The following PRKN variants were observed in gnomAD, a reference collection of about 807,000 sequenced individuals.
PRKN encodes the protein E3 ubiquitin-protein ligase parkin.
A neutral mutation model predicts 59.5 loss-of-function variants in PRKN; 56 were observed. The observed-to-expected ratio is 0.94, with a 90% CI of 0.76 to 1.18. The LOEUF (loss-of-function observed/expected upper bound fraction) is 1.18. Ranked by LOEUF, PRKN falls within the 50% of genes most tolerant of loss-of-function variation. The pLI is 0.00. For missense variants in PRKN, 657 were observed against 596.4 expected, an observed-to-expected ratio of 1.10 and a Z score of -1.06; for synonymous variants, 250 against 222.1, an observed-to-expected ratio of 1.13 and a Z score of -1.12.
intron 4 of PRKN, among the ~76,000 whole-genome samples, chr6:162,159,894 C>G (rs550770775): frequency 2.6e-5 from 4 of 152,258 alleles, no homozygotes; most frequent in Middle Eastern, 3.4e-3. Context: ...TTAAATTGAT[C>G]TGATCTATGG....
At position 162,359,056 on chromosome 6, in the gene PRKN, T is replaced by C. The variant is rs1264244593; in HGVS notation, c.171+84254A>G. Among the ~76,000 whole-genome samples, 20 of 60,594 alleles carry C rather than the reference T, an allele frequency of 3.3e-4. No individual in the cohort carries two copies. In the East Asian group the frequency reaches 0.01, roughly 31 times the overall value. The allele number at this position is 60,594 out of a possible 152,430, so 39.8% of individuals were successfully genotyped here. ...TCCTGGGTGACACAGTGACACACTG[T>C]GGCAAAAAAAAAAAAAAAAAAAAAT... is the stretch of plus-strand genomic sequence containing the variant. On this transcript the variant is annotated intron_variant, in intron 2 of 11. Coordinates refer to ENST00000366898, the MANE Select transcript of PRKN (RefSeq NM_004562.3).
Position 161,352,846 on chromosome 6 carries a change from C to G in PRKN, c.1286-2635G>C, listed in dbSNP as rs376878673. Among the ~76,000 whole-genome samples the G allele has an allele frequency of 1.3e-5, 2 of 151,322 alleles. No individual in the cohort carries two copies. The highest frequency in any genetic ancestry group is 4.9e-5 in the African/African-American group (2 of 41,106). The stretch of plus-strand genomic sequence containing the variant: ...CCCAGGCTGGAGTACAGGGCGCGAT[C>G]TGGGCTCACTGCCACCTCTGCCTCC... On this transcript the variant is annotated intron_variant, in intron 11 of 11. Transcript: ENST00000366898. This position sits in a 1 kb window ranked among gnomAD's most constrained non-coding sequence, Gnocchi z 5.8.
At chr6:161,558,675 T>C (rs1468392353) in intron 8 of PRKN, among the ~76,000 whole-genome samples, 1 of 152,194 alleles carries the variant, frequency 6.6e-6, no homozygotes, top group Non-Finnish European at 1.5e-5. Flanking sequence ...TATAATAACG[T>C]CAGAGAGGAA....
At chr6:161,913,807 G>A (rs904196565) in intron 6 of PRKN, among the ~76,000 whole-genome samples, 3 of 152,192 alleles carry the variant, frequency 2.0e-5, no homozygotes, top group African/African-American at 7.2e-5. Context: ...GAGCGTCTGG[G>A]AGGTAATTAG....
chr6:162,189,932 C>G (rs1030461661), intron 4 of PRKN, among the ~76,000 whole-genome samples: 2 of 151,930 alleles, frequency 1.3e-5, no homozygotes, highest in African/African-American at 4.8e-5. Flanking sequence ...TCTGAGTGTA[C>G]GCTTATTAGC....
At chr6:162,227,890 A>G (rs749250914) in intron 3 of PRKN, among the ~76,000 whole-genome samples, 26 of 152,106 alleles carry the variant, frequency 1.7e-4, no homozygotes, top group Non-Finnish European at 3.4e-4. Context: ...AAGTCCAAAA[A>G]GATGGACAAA....
In PRKN at chr6:162,489,370, C is replaced by T. The variant is rs557737369; in HGVS notation, c.8-45897G>A. On this transcript the variant is annotated intron_variant, in intron 1 of 11. Coordinates refer to ENST00000366898, the MANE Select transcript of PRKN (RefSeq NM_004562.3). Reference sequence around the variant, plus strand: ...GAAGAATACTTATCTTCTAAGTGCACAAAGTAAAACATTAGAAAGGGATTC... The same window carrying T: ...GAAGAATACTTATCTTCTAAGTGCATAAAGTAAAACATTAGAAAGGGATTC... Among the ~76,000 whole-genome samples, 138 of 152,176 alleles carry T rather than the reference C, an allele frequency of 9.1e-4. 1 individual carries two copies. Among genetic ancestry groups the T allele is most frequent in the Non-Finnish European group, 1.3e-3 (86 of 68,012 alleles).
Position 161,533,132 on chromosome 6 carries a change from C to A in PRKN, c.1083+15722G>T, listed in dbSNP as rs1779285249. Among the ~76,000 whole-genome samples the A allele has an allele frequency of 6.6e-6, 1 of 152,090 alleles. No homozygotes were observed. Among genetic ancestry groups the A allele is most frequent in the Non-Finnish European group, 1.5e-5 (1 of 68,008 alleles). ...CAGAGAGTGGTTATGAATTCAATTT[C>A]TAAATAATCTCTAAAATAAAAGAAT... On this transcript the variant is annotated intron_variant, in intron 9 of 11. Transcript: ENST00000366898. The surrounding 1 kb of genome is among the most constrained non-coding windows in gnomAD (Gnocchi z 4.1).
chr6:162,426,531 A>G (rs1350627827), intron 2 of PRKN, among the ~76,000 whole-genome samples: 2 of 152,128 alleles, frequency 1.3e-5, no homozygotes, highest in African/African-American at 2.4e-5. Flanking sequence ...GCTCACTACA[A>G]CCTCTGCCTC....
chr6:161,725,652 G>T (rs574483874), intron 7 of PRKN, among the ~76,000 whole-genome samples: 5 of 152,336 alleles, frequency 3.3e-5, no homozygotes, highest in African/African-American at 1.2e-4. Context: ...ACACTAAAAA[G>T]AGCCTGCTGG....
At chr6:162,320,416 A>C (rs1375083349) in intron 2 of PRKN, among the ~76,000 whole-genome samples, 1 of 132,894 alleles carries the variant, frequency 7.5e-6, no homozygotes, top group Non-Finnish European at 1.5e-5. Flanking sequence ...AAGCAAAAAA[A>C]ACCAAAAAAA....
Position 162,108,505 on chromosome 6 carries a change from A to G in PRKN, c.535-54331T>C, listed in dbSNP as rs189187732. 6.6e-5 allele frequency among the ~76,000 whole-genome samples: 10 copies of G among 152,356 alleles called. 1 individual carries two copies. The highest frequency in any genetic ancestry group is 2.2e-4 in the African/African-American group (9 of 41,586). On this transcript the variant is annotated intron_variant, in intron 4 of 11. Transcript: ENST00000366898. Reference sequence around the variant, plus strand: ...GTTTCCTACCAACCACCATGAAAACAACAACAAAAGCTGAAACATAGCAGG... The same window carrying G: ...GTTTCCTACCAACCACCATGAAAACGACAACAAAAGCTGAAACATAGCAGG...
chr6:161,367,893 T>G (rs1785273884), intron 10 of PRKN, among the ~76,000 whole-genome samples: 1 of 152,180 alleles, frequency 6.6e-6, no homozygotes, highest in Non-Finnish European at 1.5e-5. Flanking sequence ...ATTAACTATT[T>G]CAGCTGGAGA....
intron 3 of PRKN, among the ~76,000 whole-genome samples, chr6:162,204,890 T>G (rs919848859): frequency 1.3e-5 from 2 of 151,180 alleles, no homozygotes; most frequent in African/African-American, 4.9e-5. Context: ...TGAGATGGAG[T>G]CTCGCTGTGT....
chr6:161,578,391 C>T lies in PRKN; in HGVS notation c.872-8975G>A, dbSNP rs973171572. Reference sequence around the variant, plus strand: ...CAAGAAACTCCTGCAAATAATTTAACCAGACAGTTTGCTCATCTGAGTAGC... The same window carrying T: ...CAAGAAACTCCTGCAAATAATTTAATCAGACAGTTTGCTCATCTGAGTAGC... On this transcript the variant is annotated intron_variant, in intron 7 of 11. Transcript: ENST00000366898. This position sits in a 1 kb window ranked among gnomAD's most constrained non-coding sequence, Gnocchi z 4.2. 1.3e-5 allele frequency among the ~76,000 whole-genome samples: 2 copies of T among 152,172 alleles called. No homozygotes were observed. The highest frequency in any genetic ancestry group is 4.8e-5 in the African/African-American group (2 of 41,436).
At chr6:161,776,140 T>A (rs890445971) in intron 7 of PRKN, among the ~76,000 whole-genome samples, 2 of 152,296 alleles carry the variant, frequency 1.3e-5, no homozygotes, top group Admixed American at 6.5e-5. Context: ...AAGAAGTAAG[T>A]GCATTTTGCA....
intron 1 of PRKN, among the ~76,000 whole-genome samples, chr6:162,666,915 C>T (rs1779125119): frequency 6.6e-6 from 1 of 151,990 alleles, no homozygotes; most frequent in African/African-American, 2.4e-5. Flanking sequence ...ATTGAATTTA[C>T]AAGGTGGAAT....
In PRKN at chr6:161,438,059, T is replaced by C. The variant is rs566510169; in HGVS notation, c.1084-51182A>G. Among the ~76,000 whole-genome samples the C allele has an allele frequency of 3.3e-5, 5 of 152,242 alleles. No homozygotes were observed. The South Asian group carries it at 1.0e-3, about 32-fold the overall frequency. On this transcript the variant is annotated intron_variant, in intron 9 of 11. Transcript: ENST00000366898. ...CGTACTAAGTCAGGATGATGGTATGTGGGTCCGTGATGCTATATTCCATGG... is the reference window on the plus strand; with the variant it reads ...CGTACTAAGTCAGGATGATGGTATGCGGGTCCGTGATGCTATATTCCATGG...
intron 3 of PRKN, among the ~76,000 whole-genome samples, chr6:162,252,485 ATTCAG>A (rs1779474243): frequency 6.6e-6 from 1 of 152,206 alleles, no homozygotes; most frequent in Admixed American, 6.6e-5. Context: ...TCCCCAAATA[ATTCAG>A]ATGTTGAAAC....
Sources: gnomAD v4.1 joint callset for allele counts (sites outside exome capture counted in the v4.1 genomes callset) on GRCh38, gnomAD v4.1.1 for gene constraint, Gnocchi (gnomAD v3.1) non-coding constraint, MANE v1.5 for transcripts, NCBI Gene and HGNC (gene_info 2026-07-23, HGNC 2026-07-21) for gene names.